Variants in TF observed in about 807,000 individuals in gnomAD.
TF encodes the protein transferrin.
Under a neutral mutation model 82.4 loss-of-function variants are expected in TF, and 55 were observed. The ratio of observed to expected loss-of-function variants is 0.67; its 90% CI spans 0.54 to 0.84. The LOEUF is 0.84. Ranked by LOEUF, TF falls within the 40% of genes least tolerant of loss-of-function variation. TF has a pLI of 0.00. For missense variants in TF, 737 were observed against 868.4 expected (o/e 0.85, Z 1.90); for synonymous variants, 332 against 332.6 (o/e 1.00, Z 0.02).
In TF at chr3:133,755,476, G is replaced by T; in HGVS notation, c.616G>T (p.Gly206Cys). The T allele has an allele frequency of 6.2e-7, 1 of 1,614,074 alleles. No homozygotes were observed. The highest frequency in any genetic ancestry group is 8.5e-7 in the Non-Finnish European group (1 of 1,179,958). ...CTGCTCCACCCTTAACCAATACTTC[G>T]GCTACTCGGGAGCCTTCAAGTGAGT... ...CGCSTLNQYFGYSGAFKCLKD... is the reference protein window; with the variant it reads ...CGCSTLNQYFCYSGAFKCLKD... The change falls in exon 5 of 17, where the codon GGC (glycine) becomes TGC (cysteine). Residue 206 changes from glycine to cysteine, a missense_variant. Gly to Cys is a radical substitution (Grantham distance 159, BLOSUM62 -3). Transcript: ENST00000402696.
rs1451925309 is a variant in TF at position 133,794,319 on chromosome 3, A to T, written c.*15699A>T. The T allele has an allele frequency of 6.6e-6, 1 of 152,242 alleles. No homozygotes were observed. Among genetic ancestry groups the T allele is most frequent in the African/African-American group, 2.4e-5 (1 of 41,470 alleles). The allele number at this position is 152,242 out of a possible 1,614,324, so 9.4% of individuals were successfully genotyped here. Reference sequence around the variant, plus strand: ...GTTTATAACCAATGTTTGGTCCCATATTCCTGGGAAAACAATCAAAGCTTC... The same window carrying T: ...GTTTATAACCAATGTTTGGTCCCATTTTCCTGGGAAAACAATCAAAGCTTC... On this transcript the variant is annotated 3_prime_UTR_variant, in exon 17 of 17. Coordinates refer to ENST00000402696, the MANE Select transcript of TF (RefSeq NM_001063.4).
the TF span, among the ~76,000 whole-genome samples, chr3:133,723,637 T>TTC: frequency 7.0e-5 from 10 of 143,584 alleles, no homozygotes; most frequent in African/African-American, 2.0e-4. Flanking sequence ...GTTTGGTTCT[T>TTC]TTATTATTAT....
the TF span, among the ~76,000 whole-genome samples, chr3:133,682,211 A>G: frequency 6.6e-6 from 1 of 152,322 alleles, no homozygotes; most frequent in Non-Finnish European, 1.5e-5. Context: ...CGTCACCATC[A>G]TCAAAGACCA....
chr3:133,793,134 T>C lies in TF; in HGVS notation c.*14514T>C, dbSNP rs985222218. On this transcript the variant is annotated 3_prime_UTR_variant, in exon 17 of 17. Coordinates refer to ENST00000402696, the MANE Select transcript of TF (RefSeq NM_001063.4). ...TGCAGTATTAAAAGATAATGAAAGA[T>C]CTTTGTTTGCCTTTTGAATAAACTA... is the stretch of plus-strand genomic sequence containing the variant. 1 of 152,126 alleles carries C rather than the reference T, an allele frequency of 6.6e-6. No individual in the cohort carries two copies. Among genetic ancestry groups the C allele is most frequent in the African/African-American group, 2.4e-5 (1 of 41,422 alleles). 9.4% of individuals were successfully genotyped at this position (152,126 alleles called of 1,614,324 possible).
the TF span, among the ~76,000 whole-genome samples, chr3:133,664,769 A>AT: frequency 1.6e-4 from 24 of 151,722 alleles, no homozygotes; most frequent in African/African-American, 4.4e-4. Context: ...TAAAAATTGT[A>AT]TTTTTTTTCT....
At chr3:133,766,159 TC>T (rs1180206630) in intron 11 of TF, 118 bp from the exon 12 acceptor site, 9 of 995,008 alleles carry the variant, frequency 9.0e-6, no homozygotes, top group Non-Finnish European at 1.5e-5. Flanking sequence ...GGGAAGATCC[TC>T]TCAAGACACA....
chr3:133,736,200 A>C, the TF span, among the ~76,000 whole-genome samples: 1 of 152,194 alleles, frequency 6.6e-6, no homozygotes, highest in African/African-American at 2.4e-5. Context: ...TATCCAGCCA[A>C]ACTAAGCTTC....
At chr3:133,681,548 A>G in the TF span, among the ~76,000 whole-genome samples, 1 of 152,176 alleles carries the variant, frequency 6.6e-6, no homozygotes, top group South Asian at 2.1e-4. Context: ...ACACCAGGAG[A>G]TTATATCCCA....
chr3:133,766,553 G>T, intron 12 of TF, 120 bp downstream of exon 12: 1 of 1,400,526 alleles, frequency 7.1e-7, no homozygotes, highest in Non-Finnish European at 1.0e-6. Flanking sequence ...AGTAGAATTT[G>T]GTCAAAGAAC....
At chr3:133,716,256 A>T in the TF span, among the ~76,000 whole-genome samples, 1 of 152,118 alleles carries the variant, frequency 6.6e-6, no homozygotes, top group Non-Finnish European at 1.5e-5. Context: ...CTGAAACCCC[A>T]GACCTGTAGA....
chr3:133,680,392 A>C, the TF span, among the ~76,000 whole-genome samples: 3 of 151,678 alleles, frequency 2.0e-5, no homozygotes, highest in Non-Finnish European at 4.4e-5. Flanking sequence ...TTTTGTAGAG[A>C]CAAGTCTCAC....
chr3:133,777,498 G>T, intron 16 of TF: 1 of 488,302 alleles, frequency 2.0e-6, no homozygotes, highest in Admixed American at 3.3e-5. Context: ...CTAAGAAAAG[G>T]ACTGGGTTTA....
chr3:133,728,664 C>G, the TF span, among the ~76,000 whole-genome samples: 2 of 152,186 alleles, frequency 1.3e-5, no homozygotes, highest in African/African-American at 2.4e-5. Context: ...TGTCAAAGTC[C>G]TTTTCCATCC....
chr3:133,754,270 T>G (rs1281778069), intron 3 of TF, among the ~76,000 whole-genome samples: 1 of 152,206 alleles, frequency 6.6e-6, no homozygotes, highest in Non-Finnish European at 1.5e-5. Context: ...CGTGTGGCCT[T>G]CTTGCCCCTG....
intron 14 of TF, among the ~76,000 whole-genome samples, chr3:133,771,382 T>C (rs1934252019): frequency 6.6e-6 from 1 of 152,208 alleles, no homozygotes; most frequent in Non-Finnish European, 1.5e-5. Context: ...GTGGAAGGAA[T>C]GATAGAGTTA....
the TF span, among the ~76,000 whole-genome samples, chr3:133,664,214 G>A: frequency 6.6e-6 from 1 of 152,222 alleles, no homozygotes; most frequent in African/African-American, 2.4e-5. Flanking sequence ...TCAGGAAAGG[G>A]TGAAATGGTT....
chr3:133,748,602 A>G lies in TF; in HGVS notation c.216+18A>G, dbSNP rs771856843. The G allele has an allele frequency of 9.9e-5, 159 of 1,613,742 alleles. No homozygotes were observed. The highest frequency in any genetic ancestry group is 5.0e-5 in the Admixed American group (3 of 59,972). ...CCATTGCGGTAAGTCGCTGCTGCCT[A>G]AAAGAGAGTGGAAGAAAGCCATACT... On this transcript the variant is annotated intron_variant, in intron 2 of 16. Transcript: ENST00000402696.
chr3:133,717,565 A>G, the TF span, among the ~76,000 whole-genome samples: 1 of 152,190 alleles, frequency 6.6e-6, no homozygotes, highest in Non-Finnish European at 1.5e-5. Context: ...AGGAGCAGTC[A>G]AACAAAGACC....
chr3:133,756,228 G>T (rs914831078), intron 5 of TF, 54 bp from the exon 6 acceptor site: 7 of 1,558,544 alleles, frequency 4.5e-6, no homozygotes, highest in Non-Finnish European at 6.2e-6. Context: ...CTCTCCAGGT[G>T]CAGGAGAAGG....
Sources: allele counts gnomAD v4.1 joint callset (sites outside exome capture counted in the v4.1 genomes callset), GRCh38; gene constraint gnomAD v4.1.1; transcripts MANE v1.5; gene names NCBI Gene and HGNC (gene_info 2026-07-23, HGNC 2026-07-21).